The following SASH3 variants were observed in gnomAD, a reference collection of about 807,000 sequenced individuals.
SASH3 encodes SAM and SH3 domain containing 3.
Under a neutral mutation model 26.1 loss-of-function variants are expected in SASH3, and 7 were observed. That is an observed-to-expected ratio of 0.27 (90% CI 0.15 to 0.50). SASH3 has a LOEUF of 0.50. Among genes scored for constraint, SASH3 ranks in the 20% least tolerant of loss-of-function variants. The pLI is 0.98. For missense variants in SASH3, 231 were observed against 318.3 expected (o/e 0.73, Z 2.09); for synonymous variants, 138 against 136.8 (o/e 1.01, Z -0.06).
At chrX:129,788,137 G>GTGTGGC in intron 2 of SASH3, 67 bp downstream of exon 2, 1 of 354,277 alleles carries the variant, frequency 2.8e-6, no homozygotes, top group Non-Finnish European at 5.4e-6. Flanking sequence ...GGGTGGGAGG[G>GTGTGGC]AAGAGGGTGA....
chrX:129,794,069 C>T lies in SASH3; in HGVS notation c.*237C>T, dbSNP rs189252578. ...CTGCCTGAGCCCCGCCCTCCACCAG[C>T]GACTGACAGCGCAGCCCCTCCTGGC... On this transcript the variant is annotated 3_prime_UTR_variant, in exon 8 of 8. Coordinates refer to ENST00000356892, the MANE Select transcript of SASH3 (RefSeq NM_018990.4). 7.7e-3 allele frequency: 2,997 copies of T among 388,324 alleles called. 61 individuals carry two copies. The highest frequency in any genetic ancestry group is 0.064 in the African/African-American group (2,564 of 40,168). 32.0% of individuals were successfully genotyped at this position (388,324 alleles called of 1,213,427 possible).
chrX:129,786,510 G>A (rs749244398), intron 1 of SASH3, among the ~76,000 whole-genome samples: 5 of 110,925 alleles, frequency 4.5e-5, no homozygotes, highest in South Asian at 3.9e-4. Flanking sequence ...CCCTTATCTC[G>A]GGTGTCTGCA....
chrX:129,790,831 T>C (rs1252309195), intron 3 of SASH3, 109 bp from the exon 4 acceptor site: 2 of 849,025 alleles, frequency 2.4e-6, no homozygotes, highest in Non-Finnish European at 3.3e-6. Flanking sequence ...AGTGGTAGAG[T>C]TGGGGTTTGA....
At chrX:129,785,113 T>C (rs1242063224) in intron 1 of SASH3, among the ~76,000 whole-genome samples, 1 of 110,452 alleles carries the variant, frequency 9.1e-6, no homozygotes, top group Non-Finnish European at 1.9e-5. Flanking sequence ...ATTTCAAATG[T>C]AATATACATT....
chrX:129,789,153 GAA>G (rs1451932140), intron 3 of SASH3, among the ~76,000 whole-genome samples: 5,050 of 64,345 alleles, frequency 0.078, 193 homozygotes, highest in Middle Eastern at 0.14. Flanking sequence ...AAGAAAGAAA[GAA>G]AGAAAGAAAG....
intron 1 of SASH3, among the ~76,000 whole-genome samples, chrX:129,781,868 C>T (rs1249584358): frequency 8.9e-6 from 1 of 112,224 alleles, no homozygotes; most frequent in Non-Finnish European, 1.9e-5. Context: ...CCTCCACACA[C>T]TCTGCTAGCC....
At chrX:129,788,143 G>T in intron 2 of SASH3, 73 bp downstream of exon 2, 1 of 750,460 alleles carries the variant, frequency 1.3e-6, no homozygotes, top group Non-Finnish European at 2.0e-6. Flanking sequence ...GAGGGAAGAG[G>T]GTGAAGAGGA....
Position 129,793,156 on chromosome X carries a change from G to C in SASH3, c.952+17G>C, listed in dbSNP as rs754248975. ...ACTATGACAGTGAGTGGCTTTAGGA[G>C]CGGCCTGGTGAGGGTGTGTGCCCAC... On this transcript the variant is annotated intron_variant, in intron 7 of 7. Transcript: ENST00000356892. 1 of 1,211,494 alleles carries C rather than the reference G, an allele frequency of 8.3e-7. No individual in the cohort carries two copies. Among genetic ancestry groups the C allele is most frequent in the Non-Finnish European group, 1.1e-6 (1 of 895,196 alleles).
intron 3 of SASH3, among the ~76,000 whole-genome samples, chrX:129,789,163 A>AAGAAAGAAAGAAAGAAAGAG: frequency 1.7e-5 from 1 of 59,681 alleles, no homozygotes; most frequent in South Asian, 8.4e-4. Context: ...GAAAGAAAGA[A>AAGAAAGAAAGAAAGAAAGAG]AGAGAAAAAA....
At chrX:129,785,212 G>A (rs748647885) in intron 1 of SASH3, among the ~76,000 whole-genome samples, 9 of 110,820 alleles carry the variant, frequency 8.1e-5, no homozygotes, top group South Asian at 3.8e-4. Flanking sequence ...CACCTCCCCC[G>A]TCAGGCACGA....
chrX:129,780,676 T>C (rs1444374297), intron 1 of SASH3, among the ~76,000 whole-genome samples: 2 of 112,589 alleles, frequency 1.8e-5, no homozygotes, highest in Non-Finnish European at 3.8e-5. Flanking sequence ...CCCACTTGGC[T>C]CAGCTCTGTG....
In SASH3 at chrX:129,781,781, G is replaced by A. The variant is rs79588653; in HGVS notation, c.57+1627G>A. Among the ~76,000 whole-genome samples, 95 of 112,198 alleles carry A rather than the reference G, an allele frequency of 8.5e-4. 4 individuals are homozygous for A. In the East Asian group the frequency reaches 0.014, roughly 17 times the overall value. On this transcript the variant is annotated intron_variant, in intron 1 of 7. Coordinates refer to ENST00000356892, the MANE Select transcript of SASH3 (RefSeq NM_018990.4). Reference sequence around the variant, plus strand: ...CTCTCCCAGGAGAAGGGGTCCTTTCGGGGAGAGTAGTCCAGGCAAACCCCA... The same window carrying A: ...CTCTCCCAGGAGAAGGGGTCCTTTCAGGGAGAGTAGTCCAGGCAAACCCCA...
intron 3 of SASH3, among the ~76,000 whole-genome samples, chrX:129,789,159 AAGAAAG>A (rs1927178560): frequency 5.3e-5 from 3 of 56,893 alleles, no homozygotes; most frequent in Non-Finnish European, 9.0e-5. Context: ...GAAAGAAAGA[AAGAAAG>A]AGAAAAAAAA....
chrX:129,788,207 A>C, intron 2 of SASH3, 137 bp downstream of exon 2: 2 of 538,837 alleles, frequency 3.7e-6, no homozygotes. Context: ...ACCTCTCCCC[A>C]CACCAAGCAC....
intron 1 of SASH3, among the ~76,000 whole-genome samples, chrX:129,786,996 G>GA (rs777230713): frequency 1.2e-3 from 85 of 70,915 alleles, no homozygotes; most frequent in South Asian, 9.1e-3. Flanking sequence ...CTCCATCTCA[G>GA]AAAAAAAAAA....
In SASH3 at chrX:129,795,137, T is replaced by C. The variant is rs961301070; in HGVS notation, c.*1305T>C. 2.7e-5 allele frequency: 3 copies of C among 110,425 alleles called. No homozygotes were observed. Among genetic ancestry groups the C allele is most frequent in the Admixed American group, 9.7e-5 (1 of 10,336 alleles). 9.1% of individuals were successfully genotyped at this position (110,425 alleles called of 1,213,427 possible). ...GTAAAAGCTAGCTTTGGGGAAGGGG[T>C]TGGGTGTAAATATGAGAGGGTGGAG... On this transcript the variant is annotated 3_prime_UTR_variant, in exon 8 of 8. Coordinates refer to ENST00000356892, the MANE Select transcript of SASH3 (RefSeq NM_018990.4).
chrX:129,795,134 G>A lies in SASH3; in HGVS notation c.*1302G>A, dbSNP rs920829081. The A allele has an allele frequency of 9.0e-6, 1 of 111,505 alleles. No individual in the cohort carries two copies. The allele number at this position is 111,505 out of a possible 1,213,427, so 9.2% of individuals were successfully genotyped here. A position where few individuals can be genotyped will look rare whatever the true frequency, so the allele number is the denominator to read the frequency against. On this transcript the variant is annotated 3_prime_UTR_variant, in exon 8 of 8. Transcript: ENST00000356892. ...TTGGTAAAAGCTAGCTTTGGGGAAGGGGTTGGGTGTAAATATGAGAGGGTG... is the reference window on the plus strand; with the variant it reads ...TTGGTAAAAGCTAGCTTTGGGGAAGAGGTTGGGTGTAAATATGAGAGGGTG...
At chrX:129,785,335 C>G (rs1219903829) in intron 1 of SASH3, among the ~76,000 whole-genome samples, 1 of 111,599 alleles carries the variant, frequency 9.0e-6, no homozygotes, top group Non-Finnish European at 1.9e-5. Flanking sequence ...GGTCAAGATA[C>G]TTGGGGCTGT....
intron 1 of SASH3, among the ~76,000 whole-genome samples, chrX:129,782,850 A>G (rs1487706154): frequency 9.0e-6 from 1 of 111,707 alleles, no homozygotes; most frequent in Non-Finnish European, 1.9e-5. Flanking sequence ...GAAGGATTGG[A>G]GAGGCCCCAG....
Sources: allele counts gnomAD v4.1 joint callset (sites outside exome capture counted in the v4.1 genomes callset), GRCh38; gene constraint gnomAD v4.1.1; transcripts MANE v1.5; gene names NCBI Gene and HGNC (gene_info 2026-07-23, HGNC 2026-07-21).